The following NR2C1 variants were observed in gnomAD, a reference collection of about 807,000 sequenced individuals.
The protein encoded by NR2C1 is nuclear receptor subfamily 2 group C member 1, also known as TR2 nuclear hormone receptor.
NR2C1 carries 33 observed loss-of-function variants against 74.8 expected under a neutral mutation model. The ratio of observed to expected loss-of-function variants is 0.44; its 90% CI spans 0.33 to 0.59. NR2C1 has a LOEUF of 0.59. NR2C1 is among the 20% of genes least tolerant of loss of function. The pLI, the probability that NR2C1 is intolerant of heterozygous loss-of-function variation, is 0.02. For missense variants in NR2C1, 568 were observed against 715.6 expected (o/e 0.79, Z 2.35); for synonymous variants, 225 against 240.6 (o/e 0.94, Z 0.60).
At chr12:95,072,068 G>A (rs985173413) in intron 1 of NR2C1, among the ~76,000 whole-genome samples, 2 of 149,788 alleles carry the variant, frequency 1.3e-5, no homozygotes, top group Admixed American at 1.3e-4. Flanking sequence ...TTTAATGATA[G>A]AAATACACAT....
intron 10 of NR2C1, among the ~76,000 whole-genome samples, chr12:95,033,849 T>G (rs1037303765): frequency 3.9e-5 from 6 of 152,210 alleles, no homozygotes; most frequent in African/African-American, 1.4e-4. Flanking sequence ...CAGGCAGATG[T>G]GAGAACTTTG....
chr12:95,052,453 C>T (rs1873158338), intron 7 of NR2C1, among the ~76,000 whole-genome samples: 1 of 152,104 alleles, frequency 6.6e-6, no homozygotes, highest in Admixed American at 6.5e-5. Flanking sequence ...CGCGCCCGGC[C>T]GTATATGTTA....
At chr12:95,054,119 G>A (rs1047043094) in intron 7 of NR2C1, among the ~76,000 whole-genome samples, 1 of 151,998 alleles carries the variant, frequency 6.6e-6, no homozygotes, top group African/African-American at 2.4e-5. Flanking sequence ...TTAATCAATG[G>A]TCCAAAAATC....
chr12:95,031,610 T>A, intron 10 of NR2C1, 122 bp from the exon 11 acceptor site: 2 of 694,570 alleles, frequency 2.9e-6, no homozygotes, highest in Non-Finnish European at 4.2e-6. Context: ...CTAGAAAGAT[T>A]TGAGCAAGTC....
intron 3 of NR2C1, among the ~76,000 whole-genome samples, chr12:95,061,711 A>G (rs17023628): frequency 0.02 from 3,023 of 152,306 alleles, 92 homozygotes; most frequent in African/African-American, 0.069. Context: ...CATAAAAGAT[A>G]GAACCCAATT....
At chr12:95,071,689 C>T (rs1360900133) in intron 1 of NR2C1, among the ~76,000 whole-genome samples, 1 of 151,978 alleles carries the variant, frequency 6.6e-6, no homozygotes. Context: ...AAAAACCTTT[C>T]CTAGAAGAAA....
chr12:95,048,467 T>C (rs536976030), intron 9 of NR2C1, among the ~76,000 whole-genome samples: 5 of 152,344 alleles, frequency 3.3e-5, no homozygotes, highest in East Asian at 1.9e-4. Context: ...ACTGCTATTA[T>C]AACTGACTTA....
intron 10 of NR2C1, among the ~76,000 whole-genome samples, chr12:95,040,009 T>G: frequency 6.6e-6 from 1 of 151,446 alleles, no homozygotes; most frequent in East Asian, 1.9e-4. Flanking sequence ...GTTTTACATT[T>G]TCTTTTTTTT....
intron 1 of NR2C1, among the ~76,000 whole-genome samples, chr12:95,068,646 T>C (rs1478973343): frequency 6.6e-6 from 1 of 151,932 alleles, no homozygotes; most frequent in African/African-American, 2.4e-5. Context: ...AATACAAAAT[T>C]AGCCAGGTGT....
intron 11 of NR2C1, chr12:95,030,640 TAAG>T (rs772589897): frequency 1.2e-5 from 19 of 1,611,758 alleles, no homozygotes; most frequent in Middle Eastern, 1.6e-4. Context: ...CTGTTAAACA[TAAG>T]GAGGAAGCAA....
At chr12:95,045,139 T>A (rs373253407) in intron 9 of NR2C1, among the ~76,000 whole-genome samples, 1 of 152,228 alleles carries the variant, frequency 6.6e-6, no homozygotes, top group African/African-American at 2.4e-5. Context: ...CTAGATTACA[T>A]ATTCATTCAG....
intron 5 of NR2C1, 145 bp downstream of exon 5, chr12:95,058,165 A>C: frequency 1.4e-6 from 1 of 701,958 alleles, no homozygotes; most frequent in East Asian, 2.8e-5. Flanking sequence ...AAAAAAGTAC[A>C]TACGTAGGTC....
intron 7 of NR2C1, among the ~76,000 whole-genome samples, chr12:95,052,610 T>C (rs552359032): frequency 6.6e-6 from 1 of 151,982 alleles, no homozygotes; most frequent in Non-Finnish European, 1.5e-5. Flanking sequence ...TGTGCACTGC[T>C]ATGCCTGGGT....
At chr12:95,050,614 A>C (rs1872855720) in intron 8 of NR2C1, among the ~76,000 whole-genome samples, 1 of 151,498 alleles carries the variant, frequency 6.6e-6, no homozygotes, top group Non-Finnish European at 1.5e-5. Context: ...CGGCCAATTC[A>C]GCGTATTTTT....
At position 95,062,537 on chromosome 12, in the gene NR2C1, T is replaced by C. The variant is rs760386411; in HGVS notation, c.256A>G (p.Thr86Ala). 31 of 1,610,558 alleles carry C rather than the reference T, an allele frequency of 1.9e-5. 1 individual carries two copies. ...AAGVNQLFFT[T>A]PDLSAQHLQL... ...AGGTGTTGTGCAGACAGATCAGGAG[T>C]GGTAAAAAATAACTGGTTGACACCT... The change falls in exon 3 of 14, where the codon ACT becomes GCT. Residue 86 changes from threonine (T) to alanine (A), a missense_variant. Physicochemically the swap from Thr to Ala is moderately conservative, Grantham distance 58 (BLOSUM62 0). Transcript: ENST00000333003.
chr12:95,054,841 A>G (rs905347779), intron 7 of NR2C1, among the ~76,000 whole-genome samples: 4 of 151,768 alleles, frequency 2.6e-5, no homozygotes, highest in African/African-American at 9.7e-5. Context: ...TAGTGGAGGG[A>G]CGGTCAGCAG....
chr12:95,038,933 TA>T (rs1346174585), intron 10 of NR2C1, among the ~76,000 whole-genome samples: 2 of 152,150 alleles, frequency 1.3e-5, no homozygotes, highest in Non-Finnish European at 2.9e-5. Context: ...ATTTACATTT[TA>T]TTTTTTTCTA....
rs899683567 is a variant in NR2C1, at chr12:95,048,622, G to GTTT, written c.1131+443_1131+445dup. Among the ~76,000 whole-genome samples, 40 of 130,502 alleles carry GTTT rather than the reference G, an allele frequency of 3.1e-4. 2 individuals carry two copies. The highest frequency in any genetic ancestry group is 7.5e-4 in the African/African-American group (27 of 36,128). 85.6% of individuals were successfully genotyped at this position (130,502 alleles called of 152,430 possible). A position where few individuals can be genotyped will look rare whatever the true frequency, so the allele number is the denominator to read the frequency against. ...ACATTTTGTTTCTATATGCAGATGA[G>GTTT]TTTTTTTTTTTTTTTTTTTGAGACA... is the stretch of plus-strand genomic sequence containing the variant. On this transcript the variant is annotated intron_variant, in intron 9 of 13. Transcript: ENST00000333003.
intron 8 of NR2C1, 38 bp from the exon 9 acceptor site, chr12:95,049,271 CA>C (rs1400684843): frequency 6.3e-7 from 1 of 1,575,054 alleles, no homozygotes; most frequent in Non-Finnish European, 8.6e-7. Flanking sequence ...CTTGACCAAA[CA>C]CCGCAATAAA....
Sources: allele counts gnomAD v4.1 joint callset (sites outside exome capture counted in the v4.1 genomes callset), GRCh38; gene constraint gnomAD v4.1.1; transcripts MANE v1.5; gene names NCBI Gene and HGNC (gene_info 2026-07-23, HGNC 2026-07-21).